The following OSBP2 variants were observed in gnomAD, a reference collection of about 807,000 sequenced individuals.
The protein encoded by OSBP2 is oxysterol-binding protein 2.
A neutral mutation model predicts 96.0 loss-of-function variants in OSBP2; 66 were observed. The ratio of observed to expected loss-of-function variants is 0.69; its 90% CI spans 0.56 to 0.84. The LOEUF is 0.84. OSBP2 is among the 40% of genes least tolerant of loss of function. The pLI, the probability that OSBP2 is intolerant of heterozygous loss-of-function variation, is 0.00. For missense variants in OSBP2, 1,038 were observed against 1,222.7 expected (o/e 0.85, Z 2.25); for synonymous variants, 525 against 520.9 (o/e 1.01, Z -0.11).
At chr22:30,726,991 G>T (rs2089662450) in intron 1 of OSBP2, among the ~76,000 whole-genome samples, 1 of 152,186 alleles carries the variant, frequency 6.6e-6, no homozygotes, top group Admixed American at 6.5e-5. Context: ...GTGAACCTGG[G>T]TGACAAAAGT....
At chr22:30,897,042 T>C (rs1403967201) in intron 12 of OSBP2, among the ~76,000 whole-genome samples, 1 of 152,226 alleles carries the variant, frequency 6.6e-6, no homozygotes, top group East Asian at 1.9e-4. Context: ...ACACATATCA[T>C]GAAAATACTA....
At chr22:30,760,854 A>C (rs944011852) in intron 2 of OSBP2, among the ~76,000 whole-genome samples, 2 of 152,112 alleles carry the variant, frequency 1.3e-5, no homozygotes, top group Non-Finnish European at 2.9e-5. Flanking sequence ...ATATAAATGG[A>C]ATCATAATAT....
At chr22:30,748,424 C>G (rs2090034492) in intron 2 of OSBP2, among the ~76,000 whole-genome samples, 1 of 152,188 alleles carries the variant, frequency 6.6e-6, no homozygotes, top group African/African-American at 2.4e-5. Context: ...TATTGTTCAT[C>G]TCCTCAATAG....
Position 30,871,313 on chromosome 22 carries a change from G to A in OSBP2, c.1107+631G>A, listed in dbSNP as rs979432285. ...ACACGGCTAGGACTGGGAGCCAGGA[G>A]GGTGTCTCGATGGTGGTAGGAGGAT... On this transcript the variant is annotated intron_variant, in intron 3 of 13. Transcript: ENST00000332585. The surrounding 1 kb of genome is among the most constrained non-coding windows in gnomAD (Gnocchi z 4.7). 6.6e-6 allele frequency among the ~76,000 whole-genome samples: 1 copy of A among 152,100 alleles called. No homozygotes were observed. Among genetic ancestry groups the A allele is most frequent in the African/African-American group, 2.4e-5 (1 of 41,422 alleles).
intron 1 of OSBP2, among the ~76,000 whole-genome samples, chr22:30,700,940 A>T (rs1457095723): frequency 6.6e-6 from 1 of 151,994 alleles, no homozygotes; most frequent in East Asian, 1.9e-4. Flanking sequence ...ATACAAAAAA[A>T]AAAAATTAGC....
intron 1 of OSBP2, among the ~76,000 whole-genome samples, chr22:30,701,285 C>T (rs1351358275): frequency 4.0e-5 from 6 of 151,646 alleles, no homozygotes; most frequent in Non-Finnish European, 8.8e-5. Context: ...AACTGGGCAC[C>T]GAGAAATATT....
chr22:30,813,171 C>A (rs1050432687), intron 2 of OSBP2, among the ~76,000 whole-genome samples: 25 of 78,616 alleles, frequency 3.2e-4, no homozygotes, highest in East Asian at 3.9e-4. Flanking sequence ...ATGTTGCATT[C>A]TTTTTTTTTT....
chr22:30,697,672 T>C (rs566002793), intron 1 of OSBP2, among the ~76,000 whole-genome samples: 3 of 152,332 alleles, frequency 2.0e-5, no homozygotes, highest in South Asian at 4.1e-4. Flanking sequence ...GCTAGTTTTG[T>C]GGGGAGGAGG....
intron 2 of OSBP2, among the ~76,000 whole-genome samples, chr22:30,742,436 C>G (rs867282336): frequency 2.0e-5 from 3 of 151,724 alleles, no homozygotes; most frequent in South Asian, 2.1e-4. Context: ...AATATTTTAA[C>G]ATGACTCATA....
intron 5 of OSBP2, 124 bp downstream of exon 5, chr22:30,888,464 C>T (rs577044700): frequency 2.9e-6 from 2 of 688,936 alleles, no homozygotes; most frequent in Admixed American, 2.1e-5. Flanking sequence ...TTTGGCCAGG[C>T]CCAGTGGCTC....
At chr22:30,854,439 G>T (rs2039040127) in intron 2 of OSBP2, among the ~76,000 whole-genome samples, 1 of 150,892 alleles carries the variant, frequency 6.6e-6, no homozygotes, top group African/African-American at 2.4e-5. Context: ...CTCCCAAGTA[G>T]CTGGAATTAC....
chr22:30,813,212 C>T (rs1022471247), intron 2 of OSBP2, among the ~76,000 whole-genome samples: 14 of 116,010 alleles, frequency 1.2e-4, no homozygotes, highest in Non-Finnish European at 4.9e-5. Context: ...TGGAGTCTTG[C>T]TCTGTTGCCC....
Position 30,741,150 on chromosome 22 carries a change from A to G in OSBP2, c.645-11A>G. The stretch of plus-strand genomic sequence containing the variant: ...GGAGCCTCACCCCATTCCTTCTCTT[A>G]CATCCTACAGAAATCAGGGTGAAAT... On this transcript the variant is annotated splice_polypyrimidine_tract_variant and intron_variant, in intron 1 of 13. Coordinates refer to ENST00000332585, the MANE Select transcript of OSBP2 (RefSeq NM_030758.4). The G allele has an allele frequency of 6.2e-7, 1 of 1,610,212 alleles. No individual in the cohort carries two copies. The highest frequency in any genetic ancestry group is 2.2e-5 in the East Asian group (1 of 44,832).
intron 1 of OSBP2, among the ~76,000 whole-genome samples, chr22:30,730,716 GTCTCTCTCTCTCTCTC>G (rs1191165719): frequency 0.029 from 573 of 19,904 alleles, 11 homozygotes; most frequent in Admixed American, 0.04. Context: ...TCGCTGCCCT[GTCTCTCTCTCTCTCTC>G]TCTCTCTCTC....
intron 2 of OSBP2, among the ~76,000 whole-genome samples, chr22:30,850,811 T>C (rs972224301): frequency 6.6e-6 from 1 of 152,192 alleles, no homozygotes; most frequent in African/African-American, 2.4e-5. Context: ...ATTTTCTATA[T>C]AGATTTAAGA....
chr22:30,774,789 T>A (rs144236811), intron 2 of OSBP2, among the ~76,000 whole-genome samples: 2 of 152,322 alleles, frequency 1.3e-5, no homozygotes, highest in South Asian at 4.1e-4. Context: ...TGGCACCACT[T>A]TTTCTAAAAA....
chr22:30,874,331 G>T (rs1374858862), intron 3 of OSBP2, among the ~76,000 whole-genome samples: 1 of 152,052 alleles, frequency 6.6e-6, no homozygotes, highest in Non-Finnish European at 1.5e-5. Flanking sequence ...AGAATCGTTT[G>T]AACCCAGGAG....
chr22:30,826,527 G>A (rs75040013), intron 2 of OSBP2, among the ~76,000 whole-genome samples: 2,782 of 152,266 alleles, frequency 0.018, 77 homozygotes, highest in African/African-American at 0.061. Flanking sequence ...AAGGCTGGAG[G>A]TGCCCCCTCC....
At chr22:30,891,388 C>T (rs1365645061) in intron 8 of OSBP2, among the ~76,000 whole-genome samples, 2 of 152,168 alleles carry the variant, frequency 1.3e-5, no homozygotes, top group African/African-American at 2.4e-5. Flanking sequence ...TGACAGCAGC[C>T]TGTCCCCACC....
Sources: gnomAD v4.1 joint callset for allele counts (sites outside exome capture counted in the v4.1 genomes callset) on GRCh38, gnomAD v4.1.1 for gene constraint, Gnocchi (gnomAD v3.1) non-coding constraint, MANE v1.5 for transcripts, NCBI Gene and HGNC (gene_info 2026-07-23, HGNC 2026-07-21) for gene names.